The following RHOBTB1 variants were observed in gnomAD, a reference collection of about 807,000 sequenced individuals.
RHOBTB1 encodes Rho related BTB domain containing 1.
RHOBTB1 carries 40 observed loss-of-function variants against 71.6 expected under a neutral mutation model. That is an observed-to-expected ratio of 0.56 (90% CI 0.43 to 0.73). The LOEUF (loss-of-function observed/expected upper bound fraction) is 0.73, where lower values mean the gene tolerates loss of function less well. Ranked by LOEUF, RHOBTB1 falls within the 30% of genes least tolerant of loss-of-function variation. RHOBTB1 has a pLI of 0.00. For synonymous variants in RHOBTB1, 319 were observed against 334.9 expected, an observed-to-expected ratio of 0.95 and a Z score of 0.52; for missense variants, 797 against 894.0, an observed-to-expected ratio of 0.89 and a Z score of 1.38.
chr10:60,943,782 G>A (rs2085060542), intron 1 of RHOBTB1, among the ~76,000 whole-genome samples, 189 bp downstream of exon 1: 2 of 152,014 alleles, frequency 1.3e-5, no homozygotes, highest in African/African-American at 4.8e-5. Flanking sequence ...GAGGGTCCCC[G>A]GCCTCTCAGA....
intron 2 of RHOBTB1, among the ~76,000 whole-genome samples, chr10:60,971,221 GAGCCTATAT>G (rs1241992286): frequency 2.1e-4 from 32 of 152,104 alleles, no homozygotes; most frequent in African/African-American, 7.7e-4. Context: ...AGCTGAAAAA[GAGCCTATAT>G]AGCCAAGATA....
intron 5 of RHOBTB1, 96 bp downstream of exon 5, chr10:60,892,714 G>T (rs2081979953): frequency 9.6e-7 from 1 of 1,040,566 alleles, no homozygotes; most frequent in Non-Finnish European, 1.4e-6. Context: ...TGGGATCCAG[G>T]AGTGTTGAAG....
At chr10:60,990,744 A>G (rs1392871092) in intron 1 of RHOBTB1, among the ~76,000 whole-genome samples, 1 of 152,044 alleles carries the variant, frequency 6.6e-6, no homozygotes, top group Non-Finnish European at 1.5e-5. Context: ...TCCTCCAGGC[A>G]TTTTGGCCTC....
chr10:60,902,774 A>G (rs1480744273), intron 4 of RHOBTB1, among the ~76,000 whole-genome samples: 2 of 152,336 alleles, frequency 1.3e-5, no homozygotes, highest in African/African-American at 4.8e-5. Flanking sequence ...AAGGGCATAT[A>G]TAAAATTCAA....
intron 7 of RHOBTB1, among the ~76,000 whole-genome samples, chr10:60,880,629 C>A (rs2081287823): frequency 6.6e-6 from 1 of 152,076 alleles, no homozygotes; most frequent in African/African-American, 2.4e-5. Flanking sequence ...ACAACCTCGA[C>A]AACAAATAGA....
chr10:60,956,745 C>G (rs1340584017), intron 2 of RHOBTB1, among the ~76,000 whole-genome samples: 2 of 151,680 alleles, frequency 1.3e-5, no homozygotes, highest in Non-Finnish European at 2.9e-5. Context: ...ATATCACTGT[C>G]TTTCACCTCC....
intron 2 of RHOBTB1, among the ~76,000 whole-genome samples, chr10:60,957,306 C>T (rs767287275): frequency 5.3e-5 from 8 of 152,122 alleles, no homozygotes; most frequent in Non-Finnish European, 1.2e-4. Flanking sequence ...TTTATATGAC[C>T]GTCAGCTTTG....
chr10:60,894,030 G>A (rs1473900961), intron 4 of RHOBTB1, among the ~76,000 whole-genome samples: 1 of 152,196 alleles, frequency 6.6e-6, no homozygotes, highest in African/African-American at 2.4e-5. Flanking sequence ...TTCATTAGAT[G>A]TTAATTTATT....
At chr10:60,882,004 C>A (rs563618239) in intron 7 of RHOBTB1, among the ~76,000 whole-genome samples, 1 of 152,062 alleles carries the variant, frequency 6.6e-6, no homozygotes, top group Non-Finnish European at 1.5e-5. Context: ...ACTAAGAACA[C>A]TTTTGGAACA....
chr10:60,881,306 T>C (rs896623834), intron 7 of RHOBTB1, among the ~76,000 whole-genome samples: 3 of 152,230 alleles, frequency 2.0e-5, no homozygotes, highest in Admixed American at 6.5e-5. Flanking sequence ...AATGGACTAA[T>C]ACAATTAGTA....
At chr10:60,883,595 T>C (rs972744232) in intron 7 of RHOBTB1, among the ~76,000 whole-genome samples, 2 of 152,206 alleles carry the variant, frequency 1.3e-5, no homozygotes, top group Non-Finnish European at 2.9e-5. Context: ...CCCAGCTCTT[T>C]ATCTCCAGAG....
chr10:60,921,954 T>G (rs193292001), intron 2 of RHOBTB1, among the ~76,000 whole-genome samples: 2 of 152,056 alleles, frequency 1.3e-5, no homozygotes, highest in East Asian at 3.9e-4. Flanking sequence ...TTTCACCAAA[T>G]GGGAAGGTGG....
chr10:60,889,195 A>G lies in RHOBTB1; in HGVS notation c.483-10T>C, dbSNP rs1554832833. ...CCCTCTCTTTATGGGCCTGAAATAGAACATTTTAAAAATTATAATCAGCCT... is the reference window on the plus strand; with the variant it reads ...CCCTCTCTTTATGGGCCTGAAATAGGACATTTTAAAAATTATAATCAGCCT... On this transcript the variant is annotated splice_polypyrimidine_tract_variant and intron_variant, in intron 5 of 10. Transcript: ENST00000337910. 1 of 1,582,650 alleles carries G rather than the reference A, an allele frequency of 6.3e-7. No homozygotes were observed. The highest frequency in any genetic ancestry group is 1.9e-5 in the Admixed American group (1 of 53,630).
chr10:60,877,827 TTC>T (rs2081115637), intron 8 of RHOBTB1, 79 bp downstream of exon 8: 1 of 1,412,662 alleles, frequency 7.1e-7, no homozygotes, highest in African/African-American at 1.4e-5. Flanking sequence ...TCAATTTTTA[TTC>T]TCTGTAAGAA....
chr10:60,880,041 A>C (rs1463697697), intron 7 of RHOBTB1, among the ~76,000 whole-genome samples: 1 of 152,166 alleles, frequency 6.6e-6, no homozygotes. Context: ...GATAAGTTAA[A>C]GTATACAGGA....
chr10:60,910,811 G>A, intron 4 of RHOBTB1, 76 bp downstream of exon 4: 2 of 1,084,928 alleles, frequency 1.8e-6, no homozygotes, highest in South Asian at 2.6e-5. Context: ...GGTTTTTGTT[G>A]ATTTGTAAAC....
chr10:60,991,564 G>A (rs527862757), intron 1 of RHOBTB1, among the ~76,000 whole-genome samples: 17 of 152,004 alleles, frequency 1.1e-4, no homozygotes, highest in African/African-American at 4.1e-4. Context: ...CTGAGCAGCT[G>A]GGATTACAAG....
At chr10:60,867,411 A>G (rs898455479), downstream of RHOBTB1, among the ~76,000 whole-genome samples, 2 of 152,228 alleles carry the variant, frequency 1.3e-5, no homozygotes, top group African/African-American at 4.8e-5. Context: ...AAGAACTTAA[A>G]TACTCCTTCG....
At chr10:60,964,265 CAA>C (rs1055614961) in intron 2 of RHOBTB1, among the ~76,000 whole-genome samples, 6 of 152,044 alleles carry the variant, frequency 3.9e-5, no homozygotes, top group African/African-American at 1.4e-4. Flanking sequence ...GGTGAATTAG[CAA>C]AGAGGCTGGA....
Sources: gnomAD v4.1 joint callset for allele counts (sites outside exome capture counted in the v4.1 genomes callset) on GRCh38, gnomAD v4.1.1 for gene constraint, MANE v1.5 for transcripts, NCBI Gene and HGNC (gene_info 2026-07-23, HGNC 2026-07-21) for gene names.